NXPE2: variants seen among roughly 807,000 people sequenced by gnomAD.
NXPE2 encodes NXPE family member 2.
In NXPE2, 34 loss-of-function variants were observed where a neutral mutation model predicts 34.4. The observed-to-expected ratio is 0.99, with a 90% CI of 0.75 to 1.31. The LOEUF (loss-of-function observed/expected upper bound fraction) is 1.31, where lower values mean the gene tolerates loss of function less well. NXPE2 is among the 40% of genes most tolerant of loss of function. The probability of loss-of-function intolerance (pLI) is 0.00; values close to 1 mark genes in which losing one functional copy is unlikely to be tolerated. For synonymous variants in NXPE2, 235 were observed against 231.3 expected, an observed-to-expected ratio of 1.02 and a Z score of -0.15; for missense variants, 649 against 672.5, an observed-to-expected ratio of 0.97 and a Z score of 0.39.
At chr11:114,475,029 A>G in the NXPE2 span, among the ~76,000 whole-genome samples, 1 of 152,148 alleles carries the variant, frequency 6.6e-6, no homozygotes, top group Non-Finnish European at 1.5e-5. Flanking sequence ...AATTTATGAC[A>G]TTAGGAACAT....
chr11:114,767,013 C>A, the NXPE2 span, among the ~76,000 whole-genome samples: 2 of 152,012 alleles, frequency 1.3e-5, no homozygotes, highest in Non-Finnish European at 2.9e-5. Context: ...CTCTTTAATT[C>A]CATATGGAGT....
the NXPE2 span, chr11:114,582,550 C>T: frequency 6.2e-7 from 1 of 1,614,172 alleles, no homozygotes; most frequent in Non-Finnish European, 8.5e-7. Context: ...CTCCAGAGAG[C>T]TGACACCCCT....
At chr11:114,479,592 G>A in the NXPE2 span, among the ~76,000 whole-genome samples, 2 of 152,086 alleles carry the variant, frequency 1.3e-5, no homozygotes. Flanking sequence ...TGGAATTGAG[G>A]TATAGGAAGG....
At chr11:114,615,917 G>A in the NXPE2 span, among the ~76,000 whole-genome samples, 4 of 150,052 alleles carry the variant, frequency 2.7e-5, no homozygotes, top group African/African-American at 9.9e-5. Context: ...ACTGTTACCT[G>A]GTGGATAATA....
chr11:114,566,949 C>G, the NXPE2 span, among the ~76,000 whole-genome samples: 1 of 152,186 alleles, frequency 6.6e-6, no homozygotes, highest in East Asian at 1.9e-4. Context: ...TCTCTGCAAT[C>G]ATGGACAGAA....
chr11:114,539,618 TAATTA>T, the NXPE2 span, among the ~76,000 whole-genome samples: 4 of 152,214 alleles, frequency 2.6e-5, no homozygotes, highest in African/African-American at 9.6e-5. Flanking sequence ...TCTGTATTTC[TAATTA>T]AATTCTTAAG....
At chr11:114,675,272 C>T (rs959189663), upstream of NXPE2, among the ~76,000 whole-genome samples, 1 of 151,700 alleles carries the variant, frequency 6.6e-6, no homozygotes, top group Non-Finnish European at 1.5e-5. Flanking sequence ...CCCACTCTTG[C>T]CATTGAATTC....
At chr11:114,694,338 G>A (rs974521069) in intron 2 of NXPE2, among the ~76,000 whole-genome samples, 1 of 152,158 alleles carries the variant, frequency 6.6e-6, no homozygotes. Flanking sequence ...AATAGGTAAA[G>A]TTTTCTTTCC....
At chr11:114,755,178 A>T in the NXPE2 span, among the ~76,000 whole-genome samples, 48 of 152,214 alleles carry the variant, frequency 3.2e-4, no homozygotes, top group African/African-American at 1.2e-3. Flanking sequence ...GGATCAAAAG[A>T]TTTTCCTAAA....
chr11:114,522,614 A>G, the NXPE2 span: 1 of 922,534 alleles, frequency 1.1e-6, no homozygotes, highest in Admixed American at 2.9e-5. Flanking sequence ...TGCTCACTGG[A>G]GCCTTTCTAC....
At chr11:114,542,989 T>C in the NXPE2 span, among the ~76,000 whole-genome samples, 42 of 152,316 alleles carry the variant, frequency 2.8e-4, no homozygotes, top group Non-Finnish European at 5.1e-4. Flanking sequence ...GTAAAGTGGC[T>C]TATGCCTATA....
chr11:114,620,739 C>T, the NXPE2 span, among the ~76,000 whole-genome samples: 21,547 of 151,934 alleles, frequency 0.14, 1,896 homozygotes, highest in East Asian at 0.37. Flanking sequence ...CACAGTTACC[C>T]GATGTATAAT....
At chr11:114,602,009 A>T in the NXPE2 span, among the ~76,000 whole-genome samples, 1 of 88,006 alleles carries the variant, frequency 1.1e-5, no homozygotes, top group African/African-American at 4.7e-5. Flanking sequence ...CTAATGTATT[A>T]TATTATATAT....
the NXPE2 span, among the ~76,000 whole-genome samples, chr11:114,793,938 T>C: frequency 6.6e-6 from 1 of 152,202 alleles, no homozygotes; most frequent in Non-Finnish European, 1.5e-5. Flanking sequence ...AATCGGTTTC[T>C]TTGGCTTTAC....
chr11:114,625,590 G>A, the NXPE2 span, among the ~76,000 whole-genome samples: 2 of 152,194 alleles, frequency 1.3e-5, no homozygotes, highest in Non-Finnish European at 2.9e-5. Context: ...GGTAACCACT[G>A]TTATCTGGTG....
At chr11:114,522,329 C>T in the NXPE2 span, 1 of 1,614,060 alleles carries the variant, frequency 6.2e-7, no homozygotes, top group Admixed American at 1.7e-5. Context: ...GTTTTTGTCA[C>T]CTGATAGCCG....
the NXPE2 span, among the ~76,000 whole-genome samples, chr11:114,496,573 G>T: frequency 6.6e-6 from 1 of 152,028 alleles, no homozygotes; most frequent in East Asian, 1.9e-4. Flanking sequence ...GCTTCCATTT[G>T]GCCATTTGGT....
chr11:114,797,349 C>T, the NXPE2 span, among the ~76,000 whole-genome samples: 5 of 152,240 alleles, frequency 3.3e-5, no homozygotes, highest in African/African-American at 1.2e-4. Context: ...AGGAGGTGGC[C>T]TACCGTGTCT....
chr11:114,798,813 T>A, the NXPE2 span, among the ~76,000 whole-genome samples: 9 of 152,170 alleles, frequency 5.9e-5, no homozygotes, highest in Non-Finnish European at 1.3e-4. Flanking sequence ...TTTCATCTAG[T>A]CCCTTGATCT....
Sources: gnomAD v4.1 joint callset for allele counts (sites outside exome capture counted in the v4.1 genomes callset) on GRCh38, gnomAD v4.1.1 for gene constraint, MANE v1.5 for transcripts, NCBI Gene and HGNC (gene_info 2026-07-23, HGNC 2026-07-21) for gene names.